The following WNK3 variants were observed in gnomAD, a reference collection of about 807,000 sequenced individuals.
The protein encoded by WNK3 is WNK lysine deficient protein kinase 3, also known as serine/threonine-protein kinase WNK3.
Under a neutral mutation model 116.7 loss-of-function variants are expected in WNK3, and 18 were observed. That is an observed-to-expected ratio of 0.15 (90% CI 0.11 to 0.23). The LOEUF (loss-of-function observed/expected upper bound fraction) is 0.23, where lower values mean the gene tolerates loss of function less well. WNK3 is among the 10% of genes least tolerant of loss of function. The pLI is 1.00. For missense variants in WNK3, 993 were observed against 1,323.8 expected, an observed-to-expected ratio of 0.75 and a Z score of 3.88; for synonymous variants, 404 against 469.4, an observed-to-expected ratio of 0.86 and a Z score of 1.80.
chrX:54,250,339 T>C, intron 15 of WNK3, among the ~76,000 whole-genome samples: 1 of 111,814 alleles, frequency 8.9e-6, no homozygotes, highest in Middle Eastern at 4.6e-3. Context: ...AGAAGGATTT[T>C]AGATTCTACT....
chrX:54,262,219 T>C (rs1052374700), intron 10 of WNK3, among the ~76,000 whole-genome samples: 13 of 111,712 alleles, frequency 1.2e-4, no homozygotes, highest in Non-Finnish European at 2.3e-4. Flanking sequence ...CTTTTTAAAA[T>C]GTATTAAGTA....
chrX:54,222,914 TA>T lies in WNK3; in HGVS notation c.4870+5799del, dbSNP rs11284594. 9.9e-3 allele frequency among the ~76,000 whole-genome samples: 676 copies of T among 68,312 alleles called. 10 individuals carry two copies. The highest frequency in any genetic ancestry group is 0.036 in the African/African-American group (490 of 13,730). 59.3% of individuals were successfully genotyped at this position (68,312 alleles called of 115,157 possible). On this transcript the variant is annotated intron_variant, in intron 22 of 23. Transcript: ENST00000354646. ...TATAGTATAATAATAATAATAATAA[TA>T]ATATATATATATATATATATATATA...
Position 54,223,407 on chromosome X carries a change from G to T in WNK3, c.4870+5307C>A, listed in dbSNP as rs7059033. 3 of 114,845 alleles carry T rather than the reference G, an allele frequency of 2.6e-5. No individual in the cohort carries two copies. The South Asian group carries it at 1.0e-3, about 40-fold the overall frequency. The allele number at this position is 114,845 out of a possible 1,213,427, so 9.5% of individuals were successfully genotyped here. On this transcript the variant is annotated intron_variant, in intron 22 of 23. Transcript: ENST00000354646. Reference sequence around the variant, plus strand: ...GGAAGCAGGAGGCGAAGAAGGTGATGAATCCCGTTTGAGAAAAGGCCTAAG... The same window carrying T: ...GGAAGCAGGAGGCGAAGAAGGTGATTAATCCCGTTTGAGAAAAGGCCTAAG...
chrX:54,247,236 A>T (rs1289241474), intron 17 of WNK3, among the ~76,000 whole-genome samples: 1 of 111,546 alleles, frequency 9.0e-6, no homozygotes, highest in Non-Finnish European at 1.9e-5. Context: ...CACTTGGGAG[A>T]GTCTCCTTCA....
At chrX:54,235,435 C>T (rs782640279) in intron 20 of WNK3, among the ~76,000 whole-genome samples, 6 of 111,548 alleles carry the variant, frequency 5.4e-5, no homozygotes, top group East Asian at 2.8e-4. Context: ...TACAGGTGCG[C>T]GCCACCACGT....
chrX:54,352,772 T>C lies in WNK3; in HGVS notation c.-120+4914A>G, dbSNP rs192441627. 3.6e-3 allele frequency among the ~76,000 whole-genome samples: 400 copies of C among 112,077 alleles called. 2 individuals carry two copies. The highest frequency in any genetic ancestry group is 5.5e-3 in the Non-Finnish European group (295 of 53,254). On this transcript the variant is annotated intron_variant, in intron 1 of 23. Coordinates refer to ENST00000354646, the Ensembl canonical transcript of WNK3. ...ACAGGTATTCAAACAAAAACTTGTATACAAATATTCATAGCAGCACTATTC... is the reference window on the plus strand; with the variant it reads ...ACAGGTATTCAAACAAAAACTTGTACACAAATATTCATAGCAGCACTATTC...
At chrX:54,303,060 C>T (rs1356331571) in intron 5 of WNK3, among the ~76,000 whole-genome samples, 12 of 104,572 alleles carry the variant, frequency 1.1e-4, no homozygotes, top group African/African-American at 4.2e-4. Flanking sequence ...GCATGAGCCA[C>T]TGCACCCAGC....
exon 24 of WNK3, chrX:54,198,496 G>A: frequency 8.3e-7 from 1 of 1,209,150 alleles, no homozygotes; most frequent in Non-Finnish European, 1.1e-6. Context: ...CCCCGCCACA[G>A]CATTATACTG....
chrX:54,307,859 C>T (rs1248759619), intron 5 of WNK3, 63 bp downstream of exon 5: 1 of 1,067,733 alleles, frequency 9.4e-7, no homozygotes, highest in African/African-American at 1.9e-5. Flanking sequence ...GTAAGTCAAA[C>T]TTAACTAATT....
At chrX:54,205,005 C>T (rs182056078) in intron 22 of WNK3, among the ~76,000 whole-genome samples, 119 of 111,972 alleles carry the variant, frequency 1.1e-3, no homozygotes, top group African/African-American at 3.5e-3. Flanking sequence ...CACCTGAGGT[C>T]AGGAGTTTGA....
At chrX:54,342,523 G>A (rs1164906697) in intron 1 of WNK3, among the ~76,000 whole-genome samples, 2 of 97,682 alleles carry the variant, frequency 2.0e-5, no homozygotes, top group Admixed American at 2.2e-4. Context: ...CCAAGATAGT[G>A]CCATTGCACT....
At chrX:54,237,179 A>G (rs781822026) in exon 20 of WNK3, 4 of 1,211,911 alleles carry the variant, frequency 3.3e-6, no homozygotes, top group African/African-American at 1.7e-5. Context: ...CCAGCAGTCA[A>G]TATCTCTCTC....
At chrX:54,252,847 G>C (rs1557154653) in intron 13 of WNK3, among the ~76,000 whole-genome samples, 1 of 109,586 alleles carries the variant, frequency 9.1e-6, no homozygotes, top group Admixed American at 9.9e-5. Flanking sequence ...CACAAAGAAA[G>C]CTGGCAGAAA....
chrX:54,346,122 G>A (rs375085318), intron 1 of WNK3, among the ~76,000 whole-genome samples: 6 of 3,023 alleles, frequency 2.0e-3, no homozygotes, highest in African/African-American at 6.3e-3. Flanking sequence ...ACACACATAT[G>A]TGTGTGTATA....
chrX:54,316,585 C>G (rs1263229666), intron 2 of WNK3, among the ~76,000 whole-genome samples: 2 of 107,157 alleles, frequency 1.9e-5, no homozygotes, highest in Admixed American at 1.0e-4. Context: ...AAAGCTCACT[C>G]CCAACTCTCC....
chrX:54,338,616 C>T (rs1240526806), intron 1 of WNK3, among the ~76,000 whole-genome samples: 1 of 108,762 alleles, frequency 9.2e-6, no homozygotes, highest in African/African-American at 3.3e-5. Context: ...AAAATAAAAT[C>T]TTATTCAGAC....
chrX:54,339,520 T>C (rs960448871), intron 1 of WNK3, among the ~76,000 whole-genome samples: 7 of 110,668 alleles, frequency 6.3e-5, no homozygotes, highest in Non-Finnish European at 1.1e-4. Flanking sequence ...AAATTAGAAA[T>C]GAACAACAGG....
At chrX:54,296,398 A>C (rs1266084406) in intron 7 of WNK3, among the ~76,000 whole-genome samples, 1 of 111,116 alleles carries the variant, frequency 9.0e-6, no homozygotes, top group Non-Finnish European at 1.9e-5. Flanking sequence ...AGAAGGATTC[A>C]ATATGCCATT....
chrX:54,254,325 GAA>G (rs2068167797), intron 12 of WNK3, among the ~76,000 whole-genome samples: 1 of 111,589 alleles, frequency 9.0e-6, no homozygotes, highest in Non-Finnish European at 1.9e-5. Context: ...ACTTTTATAA[GAA>G]AGCAAAAAAA....
Sources: gnomAD v4.1 joint callset for allele counts (sites outside exome capture counted in the v4.1 genomes callset) on GRCh38, gnomAD v4.1.1 for gene constraint, MANE v1.5 for transcripts, NCBI Gene and HGNC (gene_info 2026-07-23, HGNC 2026-07-21) for gene names.